The following OSBPL9 variants were observed in gnomAD, a reference collection of about 807,000 sequenced individuals.
The protein encoded by OSBPL9 is oxysterol-binding protein-related protein 9.
In OSBPL9, 40 loss-of-function variants were observed where a neutral mutation model predicts 106.6. That is an observed-to-expected ratio of 0.38 (90% confidence interval 0.29 to 0.49). OSBPL9 has a LOEUF of 0.49. Among genes scored for constraint, OSBPL9 ranks in the 20% least tolerant of loss-of-function variants. OSBPL9 has a pLI of 0.97. For synonymous variants in OSBPL9, 269 were observed against 295.4 expected (o/e 0.91, Z 0.92); for missense variants, 609 against 887.2 (o/e 0.69, Z 3.98).
intron 2 of OSBPL9, among the ~76,000 whole-genome samples, chr1:51,667,112 A>G (rs1459528517): frequency 6.6e-6 from 1 of 152,194 alleles, no homozygotes; most frequent in Non-Finnish European, 1.5e-5. Context: ...ACCAGAGTTG[A>G]CTAGGTGACT....
At chr1:51,613,376 G>C (rs1190900430), upstream of OSBPL9, among the ~76,000 whole-genome samples, 2 of 152,200 alleles carry the variant, frequency 1.3e-5, no homozygotes, top group Non-Finnish European at 2.9e-5. Flanking sequence ...CATGTAGCAT[G>C]ATGAAAAGAC....
chr1:51,617,200 A>G lies in OSBPL9; in HGVS notation c.90A>G (p.Ala30=). The G allele has an allele frequency of 1.2e-6, 2 of 1,613,250 alleles. No homozygotes were observed. Among genetic ancestry groups the G allele is most frequent in the African/African-American group, 1.3e-5 (1 of 75,048 alleles). The change falls in exon 1 of 24, where the codon GCA becomes GCG. Residue 30 remains alanine, a synonymous_variant. Coordinates refer to ENST00000428468, the MANE Select transcript of OSBPL9 (RefSeq NM_024586.6). ...QYRWFVLDYN[A]GLLSYYTSKD... is the part of the protein sequence containing the mutation. ...GTTGGTTCGTGCTGGACTACAATGC[A>G]GGACTGCTCTCCTACTACACGGTGA...
the OSBPL9 span, among the ~76,000 whole-genome samples, chr1:51,521,419 A>G: frequency 6.6e-6 from 1 of 152,226 alleles, no homozygotes; most frequent in African/African-American, 2.4e-5. Flanking sequence ...AAACCCTGCC[A>G]TGTAGTTTCC....
rs549639357 is a variant in OSBPL9 at position 51,634,601 on chromosome 1, C to T, written c.111+17380C>T. On this transcript the variant is annotated intron_variant, in intron 1 of 23. Coordinates refer to ENST00000428468, the MANE Select transcript of OSBPL9 (RefSeq NM_024586.6). ...CAAAATATGAGACTCAAAGAAAGGCCAACTGAAGTTTTATACCATGCAGAA... is the reference window on the plus strand; with the variant it reads ...CAAAATATGAGACTCAAAGAAAGGCTAACTGAAGTTTTATACCATGCAGAA... Among the ~76,000 whole-genome samples the T allele has an allele frequency of 1.4e-3, 209 of 152,198 alleles. 2 individuals are homozygous for T. The highest frequency in any genetic ancestry group is 3.4e-3 in the Middle Eastern group (1 of 294).
chr1:51,640,960 A>ATT (rs57861935), intron 1 of OSBPL9, among the ~76,000 whole-genome samples: 6 of 147,104 alleles, frequency 4.1e-5, no homozygotes, highest in African/African-American at 1.5e-4. Flanking sequence ...ATTAAAAAAA[A>ATT]TTTTTTTTTT....
chr1:51,521,283 C>T, the OSBPL9 span, among the ~76,000 whole-genome samples: 15 of 152,284 alleles, frequency 9.9e-5, no homozygotes, highest in African/African-American at 2.9e-4. Flanking sequence ...CTTGTAGCTA[C>T]ACAAATTATG....
intron 20 of OSBPL9, 114 bp from the exon 21 acceptor site, chr1:51,785,693 CA>C: frequency 1.2e-6 from 1 of 830,988 alleles, no homozygotes; most frequent in Non-Finnish European, 1.9e-6. Flanking sequence ...ATGCTTTCAT[CA>C]AAAACTTCAC....
chr1:51,664,459 G>A (rs1020537941), intron 2 of OSBPL9, among the ~76,000 whole-genome samples: 1 of 152,164 alleles, frequency 6.6e-6, no homozygotes, highest in African/African-American at 2.4e-5. Flanking sequence ...GAGAGGCTGG[G>A]ATGGGTGGAT....
At chr1:51,522,319 A>T in the OSBPL9 span, among the ~76,000 whole-genome samples, 11 of 152,324 alleles carry the variant, frequency 7.2e-5, no homozygotes, top group East Asian at 2.1e-3. Flanking sequence ...TAAAATCTTT[A>T]TATGGGAATT....
the OSBPL9 span, chr1:51,560,816 A>C: frequency 1.4e-4 from 22 of 152,212 alleles, no homozygotes; most frequent in Admixed American, 1.4e-3. Flanking sequence ...AATCACCCCT[A>C]ACATCTGTCC....
intron 8 of OSBPL9, 85 bp downstream of exon 8, chr1:51,750,280 G>A: frequency 1.2e-6 from 1 of 864,832 alleles, no homozygotes; most frequent in Non-Finnish European, 1.9e-6. Context: ...AAAAAACTCA[G>A]ATCTGAAACA....
intron 2 of OSBPL9, among the ~76,000 whole-genome samples, chr1:51,663,727 A>T (rs1349981981): frequency 6.6e-6 from 1 of 152,240 alleles, no homozygotes; most frequent in Admixed American, 6.5e-5. Context: ...GAGTAGAAGT[A>T]GATACTTGCT....
chr1:51,522,997 T>C, the OSBPL9 span, among the ~76,000 whole-genome samples: 3 of 152,178 alleles, frequency 2.0e-5, no homozygotes, highest in South Asian at 6.2e-4. Context: ...TGGCTCACAT[T>C]TGTAATTTTA....
At chr1:51,714,175 A>G in intron 4 of OSBPL9, 96 bp downstream of exon 4, 1 of 832,734 alleles carries the variant, frequency 1.2e-6, no homozygotes. Context: ...CTGTGGTATG[A>G]TGTAATAGGA....
At chr1:51,774,943 T>A (rs1674718577) in intron 14 of OSBPL9, among the ~76,000 whole-genome samples, 1 of 152,208 alleles carries the variant, frequency 6.6e-6, no homozygotes, top group Non-Finnish European at 1.5e-5. Flanking sequence ...AGTTCCTTTG[T>A]CCATTTATCT....
chr1:51,707,790 A>T, intron 3 of OSBPL9: 1 of 172,348 alleles, frequency 5.8e-6, no homozygotes, highest in Non-Finnish European at 1.2e-5. Flanking sequence ...AGAGATGAAG[A>T]CCCTTTTGGC....
intron 4 of OSBPL9, among the ~76,000 whole-genome samples, chr1:51,736,387 G>A (rs2148964567): frequency 6.6e-6 from 1 of 152,274 alleles, no homozygotes; most frequent in African/African-American, 2.4e-5. Context: ...GTCTATTCAA[G>A]TCAGGGTCGT....
intron 2 of OSBPL9, among the ~76,000 whole-genome samples, chr1:51,601,689 T>C (rs915333301): frequency 2.6e-5 from 4 of 152,244 alleles, no homozygotes; most frequent in South Asian, 2.1e-4. Context: ...AAAGGTTTCA[T>C]GTCAGTAAGC....
At chr1:51,720,330 C>CTTTT (rs1167647452) in intron 4 of OSBPL9, among the ~76,000 whole-genome samples, 1 of 144,208 alleles carries the variant, frequency 6.9e-6, no homozygotes, top group African/African-American at 2.5e-5. Context: ...TTCTTTTTCT[C>CTTTT]TTTTTTTTTT....
Sources: allele counts gnomAD v4.1 joint callset (sites outside exome capture counted in the v4.1 genomes callset), GRCh38; gene constraint gnomAD v4.1.1; transcripts MANE v1.5; gene names NCBI Gene and HGNC (gene_info 2026-07-23, HGNC 2026-07-21).